FSIP2: variants seen among roughly 807,000 people sequenced by gnomAD.
FSIP2 encodes the protein fibrous sheath interacting protein 2.
Under a neutral mutation model 510.5 loss-of-function variants are expected in FSIP2, and 367 were observed. The ratio of observed to expected loss-of-function variants is 0.72; its 90% CI spans 0.66 to 0.78. The LOEUF is 0.78. FSIP2 is among the 30% of genes least tolerant of loss of function. FSIP2 has a pLI of 0.00. For synonymous variants in FSIP2, 2,601 were observed against 2,732.2 expected (o/e 0.95, Z 1.50); for missense variants, 7,594 against 7,901.7 (o/e 0.96, Z 1.48).
intron 13 of FSIP2, among the ~76,000 whole-genome samples, chr2:185,777,008 G>T (rs544684980): frequency 1.5e-4 from 23 of 152,292 alleles, no homozygotes; most frequent in African/African-American, 5.5e-4. Context: ...ACAGGCGTGA[G>T]CCACCGTGCC....
chr2:185,746,456 G>T (rs1263961873), intron 5 of FSIP2, among the ~76,000 whole-genome samples: 1 of 152,046 alleles, frequency 6.6e-6, no homozygotes, highest in African/African-American at 2.4e-5. Context: ...TACTTGTGTA[G>T]TGGAGAGACC....
At chr2:185,771,852 T>C (rs1692613981) in intron 13 of FSIP2, among the ~76,000 whole-genome samples, 1 of 152,182 alleles carries the variant, frequency 6.6e-6, no homozygotes, top group African/African-American at 2.4e-5. Flanking sequence ...ACACTTTGCT[T>C]CCCTTTTAAA....
At position 185,792,241 on chromosome 2, in the gene FSIP2, G is replaced by A. The variant is rs900003193; in HGVS notation, c.5105G>A (p.Gly1702Glu). The A allele has an allele frequency of 1.6e-5, 25 of 1,532,964 alleles. No homozygotes were observed. Among genetic ancestry groups the A allele is most frequent in the Non-Finnish European group, 2.2e-5 (25 of 1,145,014 alleles). 95.0% of individuals were successfully genotyped at this position (1,532,964 alleles called of 1,614,324 possible). A position where few individuals can be genotyped will look rare whatever the true frequency, so the allele number is the denominator to read the frequency against. Residue 1702 changes from glycine (G) to glutamate (E), a missense_variant, in exon 16 of 23, where the codon GGG becomes GAG. Transcript: ENST00000424728. ...SDMFNEMESE[G>E]GGIETYRYRP... ...ATGTTTAATGAAATGGAATCTGAAGGGGGAGGCATTGAAACTTATCGATAC... is the reference window on the plus strand; with the variant it reads ...ATGTTTAATGAAATGGAATCTGAAGAGGGAGGCATTGAAACTTATCGATAC...
chr2:185,750,634 T>C (rs1692127748), intron 7 of FSIP2, among the ~76,000 whole-genome samples: 1 of 148,722 alleles, frequency 6.7e-6, no homozygotes, highest in South Asian at 2.1e-4. Flanking sequence ...TTGATTTCTG[T>C]TCTGATCTTT....
chr2:185,773,032 T>A (rs909503133), intron 13 of FSIP2, among the ~76,000 whole-genome samples: 1 of 152,026 alleles, frequency 6.6e-6, no homozygotes, highest in African/African-American at 2.4e-5. Flanking sequence ...GCTAGTTTTG[T>A]ATTTTTTTAG....
At chr2:185,809,600 C>A (rs1419397302) in intron 17 of FSIP2, among the ~76,000 whole-genome samples, 1 of 152,010 alleles carries the variant, frequency 6.6e-6, no homozygotes, top group Non-Finnish European at 1.5e-5. Context: ...CAGAGTAATA[C>A]TCATTTCCTT....
Position 185,799,796 on chromosome 2 carries a change from A to T in FSIP2, c.10490A>T (p.Gln3497Leu). The T allele has an allele frequency of 1.3e-6, 2 of 1,529,296 alleles. No homozygotes were observed. The highest frequency in any genetic ancestry group is 1.7e-6 in the Non-Finnish European group (2 of 1,143,048). 94.7% of individuals were successfully genotyped at this position (1,529,296 alleles called of 1,614,324 possible). A position where few individuals can be genotyped will look rare whatever the true frequency, so the allele number is the denominator to read the frequency against. ...ATATACGATGATTCTTCAATTTATC[A>T]ATGTTGTGAACATCTCACTGAGTCA... Reference protein sequence around the residue: ...RNIYDDSSIYQCCEHLTESVL... With the variant: ...RNIYDDSSIYLCCEHLTESVL... The change falls in exon 17 of 23, where the codon CAA becomes CTA. Residue 3497 changes from glutamine to leucine, a missense_variant. By Grantham distance (113) the Gln-to-Leu change is moderately radical. Transcript: ENST00000424728.
chr2:185,828,030 C>G, intron 20 of FSIP2, 126 bp from the exon 21 acceptor site: 1 of 579,166 alleles, frequency 1.7e-6, no homozygotes, highest in South Asian at 2.4e-5. Context: ...AAAATAACAA[C>G]TTCTTCGACC....
In FSIP2 at chr2:185,791,156, A is replaced by C. The variant is rs1284175629; in HGVS notation, c.4020A>C (p.Lys1340Asn). The C allele has an allele frequency of 1.3e-6, 2 of 1,533,666 alleles. No homozygotes were observed. Among genetic ancestry groups the C allele is most frequent in the South Asian group, 2.4e-5 (2 of 83,956 alleles). Residue 1340 changes from lysine to asparagine, a missense_variant, in exon 16 of 23, where the codon AAA becomes AAC. Physicochemically the swap from Lys to Asn is moderately conservative, Grantham distance 94 (BLOSUM62 0). Transcript: ENST00000424728. ...GATTTTTTGCTAATACTGATAAAAA[A>C]TTAGAATCTCTTGTCACGAGTATTG... ...DKGFFANTDK[K>N]LESLVTSIDD... is the part of the protein sequence containing the mutation.
intron 13 of FSIP2, among the ~76,000 whole-genome samples, chr2:185,779,278 T>A (rs1479261321): frequency 6.8e-6 from 1 of 146,110 alleles, no homozygotes; most frequent in African/African-American, 2.5e-5. Context: ...TCTCTTAGAG[T>A]GCTAAATTTA....
chr2:185,741,725 T>C (rs1479935288), intron 2 of FSIP2, among the ~76,000 whole-genome samples: 1 of 152,218 alleles, frequency 6.6e-6, no homozygotes, highest in Non-Finnish European at 1.5e-5. Flanking sequence ...ATTAGGCTCC[T>C]TGGAAGGAAT....
chr2:185,806,757 T>C lies in FSIP2; in HGVS notation c.17451T>C (p.Asp5817=). ...QIQDRCQNVS[D]KQNQAKLYDT... ...AAGATAGATGTCAAAATGTTAGTGATAAGCAAAATCAAGCCAAACTCTATG... is the reference window on the plus strand; with the variant it reads ...AAGATAGATGTCAAAATGTTAGTGACAAGCAAAATCAAGCCAAACTCTATG... Residue 5817 remains aspartate, a synonymous_variant, in exon 17 of 23, where the codon GAT becomes GAC. Transcript: ENST00000424728. 1.9e-6 allele frequency: 3 copies of C among 1,611,796 alleles called. No individual in the cohort carries two copies. The highest frequency in any genetic ancestry group is 2.5e-6 in the Non-Finnish European group (3 of 1,178,656).
At position 185,806,282 on chromosome 2, in the gene FSIP2, ACT is replaced by A; in HGVS notation, c.16980_16981del (p.Pro5661AsnfsTer5). 1 of 1,608,708 alleles carries A rather than the reference ACT, an allele frequency of 6.2e-7. No individual in the cohort carries two copies. Among genetic ancestry groups the A allele is most frequent in the Non-Finnish European group, 8.5e-7 (1 of 1,177,392 alleles). ...ACATCAAGCAATGAGGGGAGAAGAG[ACT>A]CTCCAACACAAACGTGTAGGGATGA... On this transcript the variant is annotated frameshift_variant, in exon 17 of 23. Coordinates refer to ENST00000424728, the MANE Select transcript of FSIP2 (RefSeq NM_173651.4). LOFTEE classifies it high-confidence loss of function.
At chr2:185,740,342 G>T (rs1011249812) in intron 2 of FSIP2, 1 of 152,062 alleles carries the variant, frequency 6.6e-6, no homozygotes, top group Non-Finnish European at 1.5e-5. Context: ...CTTCCCTTAA[G>T]CCTTTTCATG....
chr2:185,828,206 A>C lies in FSIP2; in HGVS notation c.20517+7A>C. On this transcript the variant is annotated splice_region_variant and intron_variant, in intron 21 of 22. Coordinates refer to ENST00000424728, the MANE Select transcript of FSIP2 (RefSeq NM_173651.4). ...GCATGGAAACAGTGTTAAGGTAAGT[A>C]TTTTTAACTAGCCTTAGTTGATATA... 6.6e-7 allele frequency: 1 copy of C among 1,512,130 alleles called. No homozygotes were observed. The highest frequency in any genetic ancestry group is 9.2e-7 in the Non-Finnish European group (1 of 1,089,184). The allele number at this position is 1,512,130 out of a possible 1,614,324, so 93.7% of individuals were successfully genotyped here.
chr2:185,798,911 G>A (rs1467095907), intron 16 of FSIP2, among the ~76,000 whole-genome samples: 4 of 151,670 alleles, frequency 2.6e-5, no homozygotes, highest in Non-Finnish European at 5.9e-5. Flanking sequence ...ATCTTGACAT[G>A]GCCAAAACCT....
intron 10 of FSIP2, 145 bp from the exon 11 acceptor site, chr2:185,761,827 T>C (rs145376409): frequency 5.1e-5 from 24 of 470,306 alleles, no homozygotes; most frequent in Middle Eastern, 3.6e-4. Context: ...GTTGATGATA[T>C]GTATTTTACC....
chr2:185,796,595 C>CA lies in FSIP2; in HGVS notation c.9460dup (p.Thr3154AsnfsTer3). 1 of 1,535,006 alleles carries CA rather than the reference C, an allele frequency of 6.5e-7. No homozygotes were observed. Among genetic ancestry groups the CA allele is most frequent in the Non-Finnish European group, 8.7e-7 (1 of 1,146,224 alleles). On this transcript the variant is annotated frameshift_variant, in exon 16 of 23. Coordinates refer to ENST00000424728, the MANE Select transcript of FSIP2 (RefSeq NM_173651.4). LOFTEE classifies it high-confidence loss of function. ...TGTTCCAAGGAGCTGAAAATGCCTA[C>CA]ACTGTTAATCAGGTTGAATTAGCAA...
Position 185,743,174 on chromosome 2 carries a change from T to C in FSIP2, c.267T>C (p.Tyr89=). Residue 89 remains tyrosine, a synonymous_variant, in exon 3 of 23, where the codon TAT becomes TAC. Coordinates refer to ENST00000424728, the MANE Select transcript of FSIP2 (RefSeq NM_173651.4). ...PSYGFNLTDP[Y]CRLLENQYKS... ...ATGGTTTTAACCTGACTGATCCCTA[T>C]TGTCGACTTTTGGAAAACCAATATA... 1 of 1,527,632 alleles carries C rather than the reference T, an allele frequency of 6.5e-7. No individual in the cohort carries two copies. The allele number at this position is 1,527,632 out of a possible 1,614,324, so 94.6% of individuals were successfully genotyped here.
Sources: allele counts gnomAD v4.1 joint callset (sites outside exome capture counted in the v4.1 genomes callset), GRCh38; gene constraint gnomAD v4.1.1; transcripts MANE v1.5; gene names NCBI Gene and HGNC (gene_info 2026-07-23, HGNC 2026-07-21).